ABHD12: variants seen among roughly 807,000 people sequenced by gnomAD.
ABHD12 encodes abhydrolase domain containing 12, lysophospholipase.
Under a neutral mutation model 58.3 loss-of-function variants are expected in ABHD12, and 43 were observed. The observed-to-expected ratio is 0.74, with a 90% CI of 0.58 to 0.95. The LOEUF (loss-of-function observed/expected upper bound fraction) is 0.95. Ranked by LOEUF, ABHD12 falls within the 40% of genes least tolerant of loss-of-function variation. The pLI is 0.00. For missense variants in ABHD12, 539 were observed against 537.2 expected (o/e 1.00, Z -0.03); for synonymous variants, 219 against 211.2 (o/e 1.04, Z -0.32).
chr20:25,381,574 G>A (rs1395985998), intron 1 of ABHD12, among the ~76,000 whole-genome samples: 1 of 151,860 alleles, frequency 6.6e-6, no homozygotes, highest in Non-Finnish European at 1.5e-5. Flanking sequence ...GGCAGAAAAG[G>A]GTAGAAGAAA....
chr20:25,341,562 T>A (rs1257243938), intron 1 of ABHD12, among the ~76,000 whole-genome samples: 1 of 152,170 alleles, frequency 6.6e-6, no homozygotes, highest in African/African-American at 2.4e-5. Context: ...TCCTTAATGC[T>A]TGGTGGGGAT....
intron 2 of ABHD12, chr20:25,338,939 A>G (rs1306725233): frequency 2.5e-6 from 3 of 1,214,724 alleles, no homozygotes; most frequent in East Asian, 1.0e-4. Flanking sequence ...TTCTGTGGAC[A>G]GAAATCCAGT....
chr20:25,360,150 A>G (rs2482937), intron 1 of ABHD12, among the ~76,000 whole-genome samples: 89,427 of 148,850 alleles, frequency 0.6, 27,688 homozygotes, highest in African/African-American at 0.72. Flanking sequence ...GGGACGTAGG[A>G]TTCTAAATTT....
At chr20:25,378,636 A>G (rs2089987178) in intron 1 of ABHD12, among the ~76,000 whole-genome samples, 1 of 152,144 alleles carries the variant, frequency 6.6e-6, no homozygotes, top group Admixed American at 6.6e-5. Flanking sequence ...AGTTCAGTCA[A>G]TATACCCCAA....
At chr20:25,348,246 A>G (rs2146055588) in intron 1 of ABHD12, among the ~76,000 whole-genome samples, 1 of 152,138 alleles carries the variant, frequency 6.6e-6, no homozygotes, top group South Asian at 2.1e-4. Flanking sequence ...GATAAAAACA[A>G]CAAATACAAG....
intron 1 of ABHD12, among the ~76,000 whole-genome samples, chr20:25,362,435 C>A (rs897970939): frequency 6.6e-6 from 1 of 151,612 alleles, no homozygotes; most frequent in Non-Finnish European, 1.5e-5. Context: ...GGCGTGGTGG[C>A]GGGTGCCTAT....
chr20:25,390,408 G>A (rs528542808), intron 1 of ABHD12, 105 bp downstream of exon 1: 12 of 1,147,886 alleles, frequency 1.0e-5, no homozygotes, highest in Middle Eastern at 3.2e-4. Flanking sequence ...CGGGCGGACG[G>A]CCACTCTGGG....
chr20:25,306,023 G>A (rs562201229), intron 10 of ABHD12, among the ~76,000 whole-genome samples: 3 of 152,048 alleles, frequency 2.0e-5, no homozygotes, highest in Admixed American at 2.0e-4. Flanking sequence ...AAAAATTAGT[G>A]GGGCATGATG....
chr20:25,296,539 C>A (rs745519628), downstream of ABHD12: 5 of 1,596,000 alleles, frequency 3.1e-6, no homozygotes, highest in Middle Eastern at 3.4e-4. Context: ...CCTGCCTTGG[C>A]GGGACCAGCG....
At chr20:25,366,668 C>T (rs2089826813) in intron 1 of ABHD12, among the ~76,000 whole-genome samples, 1 of 152,166 alleles carries the variant, frequency 6.6e-6, no homozygotes, top group Non-Finnish European at 1.5e-5. Context: ...TCTTCTAGTA[C>T]TTCTTGGTTT....
At chr20:25,321,811 T>C (rs1250324655) in intron 3 of ABHD12, among the ~76,000 whole-genome samples, 2 of 152,200 alleles carry the variant, frequency 1.3e-5, no homozygotes, top group African/African-American at 2.4e-5. Context: ...CAGTCACACA[T>C]TGGTCAGTAA....
At chr20:25,361,351 T>C (rs552167598) in intron 1 of ABHD12, among the ~76,000 whole-genome samples, 2 of 152,332 alleles carry the variant, frequency 1.3e-5, no homozygotes, top group East Asian at 3.9e-4. Context: ...AAATATTATG[T>C]CTCTCAGTAA....
At chr20:25,376,302 T>C (rs2146120371) in intron 1 of ABHD12, among the ~76,000 whole-genome samples, 1 of 152,334 alleles carries the variant, frequency 6.6e-6, no homozygotes, top group Non-Finnish European at 1.5e-5. Flanking sequence ...AAATTCTTCT[T>C]AGCTTTTAGG....
At chr20:25,373,212 T>C (rs1427954726) in intron 1 of ABHD12, among the ~76,000 whole-genome samples, 3 of 152,196 alleles carry the variant, frequency 2.0e-5, no homozygotes, top group Admixed American at 6.5e-5. Context: ...GTGACATTAC[T>C]ATATTGAGTG....
chr20:25,332,334 T>C (rs1267122312), intron 2 of ABHD12, among the ~76,000 whole-genome samples: 66 of 152,068 alleles, frequency 4.3e-4, no homozygotes, highest in African/African-American at 1.5e-3. Context: ...CAAAGAGACT[T>C]AGACTCCCAC....
chr20:25,342,648 G>C (rs1400102074), intron 1 of ABHD12, among the ~76,000 whole-genome samples: 1 of 152,064 alleles, frequency 6.6e-6, no homozygotes, highest in African/African-American at 2.4e-5. Flanking sequence ...ACCCAAGCTG[G>C]AGTGCGGTGG....
chr20:25,350,507 C>T (rs1432777395), intron 1 of ABHD12, among the ~76,000 whole-genome samples: 9 of 152,148 alleles, frequency 5.9e-5, no homozygotes, highest in African/African-American at 1.4e-4. Flanking sequence ...TCCTGTGTGC[C>T]GCCATGTAAG....
At chr20:25,295,528 C>T, downstream of ABHD12, 2 of 1,508,460 alleles carry the variant, frequency 1.3e-6, no homozygotes, top group Non-Finnish European at 1.8e-6. Flanking sequence ...GGCCTCCTGC[C>T]CTGGGACTCT....
chr20:25,370,735 G>A (rs993800692), intron 1 of ABHD12, among the ~76,000 whole-genome samples: 1 of 152,148 alleles, frequency 6.6e-6, no homozygotes, highest in Admixed American at 6.5e-5. Flanking sequence ...AATCTCATGA[G>A]GCAGCTGTGA....
Sources: allele counts gnomAD v4.1 joint callset (sites outside exome capture counted in the v4.1 genomes callset), GRCh38; gene constraint gnomAD v4.1.1; transcripts MANE v1.5; gene names NCBI Gene and HGNC (gene_info 2026-07-23, HGNC 2026-07-21).